CDH4: variants seen among roughly 807,000 people sequenced by gnomAD.
The protein encoded by CDH4 is cadherin-4.
CDH4 carries 33 observed loss-of-function variants against 86.0 expected under a neutral mutation model. The ratio of observed to expected loss-of-function variants is 0.38; its 90% CI spans 0.29 to 0.51. The LOEUF is 0.51. CDH4 is among the 20% of genes least tolerant of loss of function. The pLI, the probability that CDH4 is intolerant of heterozygous loss-of-function variation, is 0.86. For missense variants in CDH4, 1,114 were observed against 1,307.4 expected, an observed-to-expected ratio of 0.85 and a Z score of 2.28; for synonymous variants, 555 against 549.4, an observed-to-expected ratio of 1.01 and a Z score of -0.14.
At chr20:61,571,568 C>T (rs966529501) in intron 2 of CDH4, among the ~76,000 whole-genome samples, 1 of 152,184 alleles carries the variant, frequency 6.6e-6, no homozygotes, top group African/African-American at 2.4e-5. Context: ...TGGCATGGGT[C>T]TTTCTGCAGC....
At chr20:61,565,228 T>C (rs1190187620) in intron 2 of CDH4, among the ~76,000 whole-genome samples, 8 of 29,258 alleles carry the variant, frequency 2.7e-4, no homozygotes, top group Non-Finnish European at 3.8e-4. Context: ...TGGTAGGTGG[T>C]GGTGGTGGTG....
intron 6 of CDH4, among the ~76,000 whole-genome samples, chr20:61,858,089 CTG>C (rs1229805651): frequency 1.8e-5 from 2 of 110,024 alleles, no homozygotes; most frequent in Non-Finnish European, 4.1e-5. Context: ...GTGTGTGTCT[CTG>C]TGTCTGTGTC....
intron 2 of CDH4, among the ~76,000 whole-genome samples, chr20:61,686,360 C>T (rs188138083): frequency 1.3e-3 from 195 of 152,188 alleles, no homozygotes; most frequent in Admixed American, 7.6e-3. Flanking sequence ...TGTGTATGTG[C>T]GTGTGCATTC....
chr20:61,576,794 G>A (rs192081464), intron 2 of CDH4, among the ~76,000 whole-genome samples: 1 of 152,324 alleles, frequency 6.6e-6, no homozygotes, highest in African/African-American at 2.4e-5. Context: ...CTGTATGAGT[G>A]CGTGGATTTC....
At chr20:61,923,376 T>C in intron 9 of CDH4, 75 bp from the exon 10 acceptor site, 1 of 1,484,206 alleles carries the variant, frequency 6.7e-7, no homozygotes, top group Non-Finnish European at 9.3e-7. Context: ...GAGACCAACC[T>C]TCCCATGTGT....
intron 2 of CDH4, among the ~76,000 whole-genome samples, chr20:61,399,768 A>C (rs556805817): frequency 6.6e-6 from 1 of 152,174 alleles, no homozygotes; most frequent in Admixed American, 6.5e-5. Flanking sequence ...TCCTGCTCAC[A>C]TGTGTGATGC....
At position 61,879,261 on chromosome 20, in the gene CDH4, AGAG is replaced by A. The variant is rs1392096438; in HGVS notation, c.1050+5362_1050+5364del. Among the ~76,000 whole-genome samples, 18 of 152,348 alleles carry A rather than the reference AGAG, an allele frequency of 1.2e-4. No individual in the cohort carries two copies. The East Asian group carries it at 3.5e-3, about 29-fold the overall frequency. ...TGATTTCTGTCTGGCTTGGCGTATCAGAGAAGAGCACACATCGGGACCATTTCT... is the reference window on the plus strand; with the variant it reads ...TGATTTCTGTCTGGCTTGGCGTATCAAAGAGCACACATCGGGACCATTTCT... On this transcript the variant is annotated intron_variant, in intron 7 of 15. Transcript: ENST00000614565. This position sits in a 1 kb window ranked among gnomAD's most constrained non-coding sequence, Gnocchi z 4.1.
At chr20:61,898,190 C>T (rs990730895) in intron 8 of CDH4, among the ~76,000 whole-genome samples, 11 of 152,192 alleles carry the variant, frequency 7.2e-5, no homozygotes, top group Admixed American at 2.0e-4. Flanking sequence ...AGCAGGATGG[C>T]GAAGGCCGGC....
chr20:61,343,327 C>G (rs1432340773), intron 2 of CDH4, among the ~76,000 whole-genome samples: 1 of 152,140 alleles, frequency 6.6e-6, no homozygotes, highest in Non-Finnish European at 1.5e-5. Context: ...GTTAGCAGTC[C>G]TTGCCAAAAA....
intron 3 of CDH4, among the ~76,000 whole-genome samples, chr20:61,771,019 T>C (rs531270975): frequency 6.7e-6 from 1 of 150,140 alleles, no homozygotes; most frequent in East Asian, 2.0e-4. Context: ...TCTTTTTTTT[T>C]TTTTTTTTGA....
chr20:61,301,397 T>C (rs1319349303), intron 2 of CDH4, among the ~76,000 whole-genome samples: 2 of 152,224 alleles, frequency 1.3e-5, no homozygotes, highest in African/African-American at 4.8e-5. Flanking sequence ...CCCCTTTATT[T>C]AAATGGGCAG....
In CDH4 at chr20:61,653,717, C is replaced by T. The variant is rs1394208953; in HGVS notation, c.170-89846C>T. On this transcript the variant is annotated intron_variant, in intron 2 of 15. Transcript: ENST00000614565. ...CTCACCTCCCAGACGGGGTCGCAGC[C>T]GGGCAGAGGCGCTCCTCACATCCCA... Among the ~76,000 whole-genome samples the T allele has an allele frequency of 1.9e-4, 22 of 115,728 alleles. 4 individuals are homozygous for T. Among genetic ancestry groups the T allele is most frequent in the Admixed American group, 4.2e-4 (5 of 11,964 alleles). The allele number at this position is 115,728 out of a possible 152,430, so 75.9% of individuals were successfully genotyped here. A position where few individuals can be genotyped will look rare whatever the true frequency, so the allele number is the denominator to read the frequency against.
intron 2 of CDH4, among the ~76,000 whole-genome samples, chr20:61,262,208 G>A (rs1006760018): frequency 3.3e-5 from 5 of 152,204 alleles, no homozygotes; most frequent in Non-Finnish European, 7.3e-5. Context: ...CCGGGGCGGG[G>A]CTCCCTGACG....
intron 2 of CDH4, among the ~76,000 whole-genome samples, chr20:61,386,342 A>C (rs1568824516): frequency 6.6e-6 from 1 of 152,200 alleles, no homozygotes; most frequent in East Asian, 1.9e-4. Context: ...CCACCCATCC[A>C]TGACACCCTC....
chr20:61,786,547 T>C (rs1420688121), intron 4 of CDH4, among the ~76,000 whole-genome samples: 1 of 152,194 alleles, frequency 6.6e-6, no homozygotes, highest in African/African-American at 2.4e-5. Flanking sequence ...GCAGAAAATG[T>C]TCCCTTTCTT....
chr20:61,912,070 G>A (rs1433963546), intron 9 of CDH4, among the ~76,000 whole-genome samples: 1 of 152,076 alleles, frequency 6.6e-6, no homozygotes, highest in Non-Finnish European at 1.5e-5. Flanking sequence ...AGGGCCCCTC[G>A]TGGTCCAAAA....
intron 6 of CDH4, among the ~76,000 whole-genome samples, chr20:61,860,051 G>A (rs1311766175): frequency 1.3e-5 from 2 of 152,270 alleles, no homozygotes; most frequent in African/African-American, 2.4e-5. Context: ...CCTGCCTCAT[G>A]GGCGGGGAAG....
intron 2 of CDH4, among the ~76,000 whole-genome samples, chr20:61,732,467 C>T (rs2386944): frequency 0.24 from 36,248 of 152,102 alleles, 4,478 homozygotes; most frequent in Middle Eastern, 0.28. Context: ...CTTCCTGCCC[C>T]CCAGTCTCCT....
At chr20:61,705,183 A>G (rs530778360) in intron 2 of CDH4, among the ~76,000 whole-genome samples, 1 of 152,314 alleles carries the variant, frequency 6.6e-6, no homozygotes, top group African/African-American at 2.4e-5. Context: ...ACTTCAGGGA[A>G]TATTTGTTCT....
Sources: gnomAD v4.1 joint callset for allele counts (sites outside exome capture counted in the v4.1 genomes callset) on GRCh38, gnomAD v4.1.1 for gene constraint, Gnocchi (gnomAD v3.1) non-coding constraint, MANE v1.5 for transcripts, NCBI Gene and HGNC (gene_info 2026-07-23, HGNC 2026-07-21) for gene names.